POU2F1: variants seen among roughly 807,000 people sequenced by gnomAD.
The protein encoded by POU2F1 is POU domain, class 2, transcription factor 1.
POU2F1 carries 16 observed loss-of-function variants against 84.9 expected under a neutral mutation model. That is an observed-to-expected ratio of 0.19 (90% confidence interval 0.13 to 0.29). The LOEUF (loss-of-function observed/expected upper bound fraction) is 0.29, where lower values mean the gene tolerates loss of function less well. POU2F1 is among the 10% of genes least tolerant of loss of function. The pLI, the probability that POU2F1 is intolerant of heterozygous loss-of-function variation, is 1.00. For missense variants in POU2F1, 738 were observed against 942.6 expected, an observed-to-expected ratio of 0.78 and a Z score of 2.84; for synonymous variants, 368 against 368.3, an observed-to-expected ratio of 1.00 and a Z score of 0.01.
intron 2 of POU2F1, among the ~76,000 whole-genome samples, chr1:167,346,495 G>C (rs750826855): frequency 6.6e-6 from 1 of 152,168 alleles, no homozygotes; most frequent in Non-Finnish European, 1.5e-5. Context: ...TTTCATGGAA[G>C]ACAGTTTTTC....
At chr1:167,314,624 A>G (rs1655746597) in intron 1 of POU2F1, among the ~76,000 whole-genome samples, 1 of 152,140 alleles carries the variant, frequency 6.6e-6, no homozygotes, top group Admixed American at 6.5e-5. Context: ...AAAAATAAAA[A>G]TAAGCCGGGC....
intron 1 of POU2F1, among the ~76,000 whole-genome samples, chr1:167,326,762 C>T (rs990108488): frequency 1.5e-4 from 23 of 152,118 alleles, no homozygotes; most frequent in Middle Eastern, 3.2e-3. Context: ...GAAGGTGCTG[C>T]TCCTGTTGGG....
intron 12 of POU2F1, among the ~76,000 whole-genome samples, chr1:167,400,798 C>A (rs984186315): frequency 8.5e-5 from 13 of 152,186 alleles, no homozygotes; most frequent in Admixed American, 7.9e-4. Context: ...TCATTCCATA[C>A]TGGCAGGCTT....
chr1:167,306,109 A>G (rs1655047003), intron 1 of POU2F1, among the ~76,000 whole-genome samples: 2 of 152,212 alleles, frequency 1.3e-5, no homozygotes, highest in Admixed American at 1.3e-4. Context: ...AGCAGCAAAT[A>G]CAGTTGATTG....
In POU2F1 at chr1:167,375,702, C is replaced by T. The variant is rs566309633; in HGVS notation, c.592-327C>T. On this transcript the variant is annotated intron_variant, in intron 6 of 15. Coordinates refer to ENST00000367866, the MANE Select transcript of POU2F1 (RefSeq NM_002697.4). ...ATCAAATATTTAAAAACTGTTTTCTCACTTGATTTTTAAAACCCATATTGG... is the reference window on the plus strand; with the variant it reads ...ATCAAATATTTAAAAACTGTTTTCTTACTTGATTTTTAAAACCCATATTGG... Among the ~76,000 whole-genome samples the T allele has an allele frequency of 3.9e-5, 6 of 152,264 alleles. No homozygotes were observed. The East Asian group carries it at 1.2e-3, about 29-fold the overall frequency.
intron 2 of POU2F1, among the ~76,000 whole-genome samples, chr1:167,348,451 ACAAT>A: frequency 6.6e-6 from 1 of 152,330 alleles, no homozygotes. Context: ...TTATATTTCC[ACAAT>A]CAATGTACAA....
chr1:167,253,382 C>A (rs576329993), intron 1 of POU2F1, among the ~76,000 whole-genome samples: 2 of 21,992 alleles, frequency 9.1e-5, no homozygotes, highest in Non-Finnish European at 3.1e-4. Flanking sequence ...TTCTGCCCCC[C>A]CCCCCCCAAA....
At chr1:167,301,858 A>C (rs1654723296) in intron 1 of POU2F1, among the ~76,000 whole-genome samples, 1 of 151,864 alleles carries the variant, frequency 6.6e-6, no homozygotes, top group African/African-American at 2.4e-5. Flanking sequence ...TTGTAATTTA[A>C]ATGTTTTTTT....
chr1:167,400,980 AAGAC>A (rs1243109464), intron 12 of POU2F1, among the ~76,000 whole-genome samples: 3 of 151,978 alleles, frequency 2.0e-5, no homozygotes, highest in Non-Finnish European at 2.9e-5. Flanking sequence ...TACTAAAAGA[AAGAC>A]AGTATTTCTT....
chr1:167,288,516 C>T (rs538307003), intron 1 of POU2F1, among the ~76,000 whole-genome samples: 1 of 152,204 alleles, frequency 6.6e-6, no homozygotes, highest in African/African-American at 2.4e-5. Flanking sequence ...TAATGAGGCC[C>T]CATCTCTACA....
chr1:167,294,120 C>T (rs953686850), intron 1 of POU2F1, among the ~76,000 whole-genome samples: 3 of 135,150 alleles, frequency 2.2e-5, no homozygotes, highest in Non-Finnish European at 4.5e-5. Context: ...ATCACAAGGT[C>T]AGGAGATCAA....
At chr1:167,367,602 A>G (rs1659763221) in intron 3 of POU2F1, among the ~76,000 whole-genome samples, 1 of 152,160 alleles carries the variant, frequency 6.6e-6, no homozygotes, top group Admixed American at 6.5e-5. Context: ...TTCCTATTTT[A>G]AAAAAACTTT....
chr1:167,401,562 C>T lies in POU2F1; in HGVS notation c.1555+6C>T. 1 of 1,594,554 alleles carries T rather than the reference C, an allele frequency of 6.3e-7. No individual in the cohort carries two copies. The highest frequency in any genetic ancestry group is 8.6e-7 in the Non-Finnish European group (1 of 1,168,258). ...GACGAATCTTTCAGTTACAGGTAAG[C>T]AGCTGCCAGGCCATGCACCTGCTGA... On this transcript the variant is annotated splice_donor_region_variant and intron_variant, in intron 13 of 15. Transcript: ENST00000367866.
At chr1:167,387,269 C>CT in intron 8 of POU2F1, 1 of 455,012 alleles carries the variant, frequency 2.2e-6, no homozygotes, top group Non-Finnish European at 4.4e-6. Context: ...ATTTTTAGTC[C>CT]TTTATTATTT....
intron 13 of POU2F1, among the ~76,000 whole-genome samples, chr1:167,404,118 T>C (rs1046315940): frequency 6.6e-6 from 1 of 151,624 alleles, no homozygotes; most frequent in Non-Finnish European, 1.5e-5. Context: ...CTTGCCCTCA[T>C]TGGCCTTCAG....
chr1:167,329,261 C>T, intron 1 of POU2F1: 1 of 1,548,152 alleles, frequency 6.5e-7, no homozygotes, highest in Non-Finnish European at 8.7e-7. Context: ...CTCTGCTCCT[C>T]TAGAAGATTT....
rs1304268684 is a variant in POU2F1, at chr1:167,288,918, G to A, written c.62-43552G>A. ...TTGAGAACCTGTGCTAATCTTGGGGGAAACATTATAACAATAAGTAAAATG... is the reference window on the plus strand; with the variant it reads ...TTGAGAACCTGTGCTAATCTTGGGGAAAACATTATAACAATAAGTAAAATG... On this transcript the variant is annotated intron_variant, in intron 1 of 15. Coordinates refer to ENST00000367866, the MANE Select transcript of POU2F1 (RefSeq NM_002697.4). 3.3e-5 allele frequency among the ~76,000 whole-genome samples: 5 copies of A among 152,138 alleles called. No homozygotes were observed. The East Asian group carries it at 7.7e-4, about 23-fold the overall frequency.
rs1196600799 is a variant in POU2F1, at chr1:167,425,144, C to T, written c.*9334C>T. ...CTTTTCTTTGAATGTAGTTCCCAACCTTCAATTCCCACCCCTAATGCTGAC... is the reference window on the plus strand; with the variant it reads ...CTTTTCTTTGAATGTAGTTCCCAACTTTCAATTCCCACCCCTAATGCTGAC... On this transcript the variant is annotated 3_prime_UTR_variant, in exon 16 of 16. Transcript: ENST00000367866. 1.3e-5 allele frequency: 2 copies of T among 152,108 alleles called. No homozygotes were observed. The highest frequency in any genetic ancestry group is 6.5e-5 in the Admixed American group (1 of 15,274). 9.4% of individuals were successfully genotyped at this position (152,108 alleles called of 1,614,324 possible). A position where few individuals can be genotyped will look rare whatever the true frequency, so the allele number is the denominator to read the frequency against.
intron 3 of POU2F1, among the ~76,000 whole-genome samples, chr1:167,366,007 T>A (rs1470992090): frequency 6.6e-6 from 1 of 152,192 alleles, no homozygotes; most frequent in African/African-American, 2.4e-5. Context: ...CAGAGGCTTT[T>A]GCTTGACTGT....
Sources: allele counts gnomAD v4.1 joint callset (sites outside exome capture counted in the v4.1 genomes callset), GRCh38; gene constraint gnomAD v4.1.1; transcripts MANE v1.5; gene names NCBI Gene and HGNC (gene_info 2026-07-23, HGNC 2026-07-21).